The following CADM1 variants were observed in gnomAD, a reference collection of about 807,000 sequenced individuals.
CADM1 encodes the protein TSLC-1.
In CADM1, 15 loss-of-function variants were observed where a neutral mutation model predicts 53.1. That is an observed-to-expected ratio of 0.28 (90% CI 0.19 to 0.44). CADM1 has a LOEUF of 0.44. Ranked by LOEUF, CADM1 falls within the 20% of genes least tolerant of loss-of-function variation. CADM1 has a pLI of 1.00. For synonymous variants in CADM1, 281 were observed against 243.0 expected, an observed-to-expected ratio of 1.16 and a Z score of -1.45; for missense variants, 434 against 611.3, an observed-to-expected ratio of 0.71 and a Z score of 3.06.
At chr11:115,189,655 A>C (rs1371853984) in intron 10 of CADM1, among the ~76,000 whole-genome samples, 3 of 152,216 alleles carry the variant, frequency 2.0e-5, no homozygotes, top group African/African-American at 4.8e-5. Context: ...AAAATGAAAC[A>C]CTCTCTTGAT....
intron 1 of CADM1, among the ~76,000 whole-genome samples, chr11:115,405,285 C>G (rs1947285471): frequency 6.6e-6 from 1 of 152,194 alleles, no homozygotes; most frequent in South Asian, 2.1e-4. Flanking sequence ...GGTATGTTTT[C>G]ACTACCATCA....
intron 1 of CADM1, among the ~76,000 whole-genome samples, chr11:115,250,628 T>A (rs960297482): frequency 2.6e-5 from 4 of 152,238 alleles, no homozygotes; most frequent in Non-Finnish European, 5.9e-5. Flanking sequence ...CTCACTGCTA[T>A]CTGGAGGAGG....
intron 1 of CADM1, among the ~76,000 whole-genome samples, chr11:115,254,790 G>C (rs1214328422): frequency 6.6e-6 from 1 of 152,120 alleles, no homozygotes; most frequent in Non-Finnish European, 1.5e-5. Context: ...AGACAAGAAG[G>C]AACGTTTTCT....
chr11:115,361,811 C>T (rs1464067896), intron 1 of CADM1, among the ~76,000 whole-genome samples: 2 of 152,076 alleles, frequency 1.3e-5, no homozygotes, highest in East Asian at 1.9e-4. Flanking sequence ...ATTGCAGCCT[C>T]GACCTCCTGG....
chr11:115,422,656 C>T (rs1268420831), intron 1 of CADM1, among the ~76,000 whole-genome samples: 1 of 152,020 alleles, frequency 6.6e-6, no homozygotes, highest in Non-Finnish European at 1.5e-5. Flanking sequence ...ATTGAATAGA[C>T]CCTTTTACAA....
chr11:115,240,208 T>C (rs1942175631), intron 2 of CADM1, 66 bp downstream of exon 2: 38 of 1,512,258 alleles, frequency 2.5e-5, no homozygotes, highest in South Asian at 6.8e-5. Flanking sequence ...GCCTTAGCAA[T>C]CTCTTTATCA....
chr11:115,187,153 G>A (rs1201952855), intron 10 of CADM1, among the ~76,000 whole-genome samples: 2 of 152,172 alleles, frequency 1.3e-5, no homozygotes, highest in African/African-American at 2.4e-5. Flanking sequence ...CAGCTCATCT[G>A]GTTTTTAATG....
At chr11:115,359,674 A>G (rs1217751527) in intron 1 of CADM1, among the ~76,000 whole-genome samples, 2 of 152,208 alleles carry the variant, frequency 1.3e-5, no homozygotes, top group Non-Finnish European at 2.9e-5. Flanking sequence ...CACCAAAGAA[A>G]GCTTTTTTTT....
chr11:115,221,075 G>A (rs965452521), intron 5 of CADM1, among the ~76,000 whole-genome samples: 7 of 152,098 alleles, frequency 4.6e-5, no homozygotes, highest in African/African-American at 9.7e-5. Context: ...ATCATTTTAC[G>A]CCTCGGTTGG....
chr11:115,434,880 A>G (rs1270344738), intron 1 of CADM1, among the ~76,000 whole-genome samples: 4 of 86,486 alleles, frequency 4.6e-5, no homozygotes, highest in African/African-American at 7.0e-5. Flanking sequence ...TTTTTTTTTG[A>G]GACAGAGTCT....
At chr11:115,186,054 T>C (rs1439471140) in intron 10 of CADM1, among the ~76,000 whole-genome samples, 4 of 152,182 alleles carry the variant, frequency 2.6e-5, no homozygotes, top group Non-Finnish European at 5.9e-5. Context: ...CAGGAGCATG[T>C]TGGATTATGA....
chr11:115,255,830 G>A (rs1049063025), intron 1 of CADM1, among the ~76,000 whole-genome samples: 17 of 152,100 alleles, frequency 1.1e-4, no homozygotes, highest in African/African-American at 3.6e-4. Context: ...TGCAAACAAC[G>A]AGCAATGCAC....
intron 1 of CADM1, among the ~76,000 whole-genome samples, chr11:115,243,647 C>T (rs1450822014): frequency 6.6e-6 from 1 of 152,108 alleles, no homozygotes. Flanking sequence ...TGCTCACATC[C>T]TCAAATATTT....
chr11:115,197,622 T>C (rs1940221306), intron 9 of CADM1, among the ~76,000 whole-genome samples: 1 of 152,208 alleles, frequency 6.6e-6, no homozygotes. Flanking sequence ...TATTTCCTGA[T>C]GCCCCTCCTG....
rs114897881 is a variant in CADM1 at position 115,405,332 on chromosome 11, C to T, written c.124+98939G>A. 8.2e-4 allele frequency among the ~76,000 whole-genome samples: 125 copies of T among 152,294 alleles called. 1 individual carries two copies. Among genetic ancestry groups the T allele is most frequent in the African/African-American group, 2.9e-3 (120 of 41,556 alleles). On this transcript the variant is annotated intron_variant, in intron 1 of 11. Coordinates refer to ENST00000331581, the MANE Select transcript of CADM1 (RefSeq NM_001301043.2). ...ATTTTATTTTCTGGCAATACCAGTA[C>T]TGGAATTGAAGAAGATACGAAGCTA...
intron 1 of CADM1, among the ~76,000 whole-genome samples, chr11:115,353,998 T>C (rs146870925): frequency 1.3e-3 from 202 of 152,234 alleles, no homozygotes; most frequent in African/African-American, 4.5e-3. Flanking sequence ...TTTAAAATCA[T>C]GCACAGGAAA....
Position 115,172,039 on chromosome 11 carries a change from A to T in CADM1, c.*4435T>A, listed in dbSNP as rs77407896. On this transcript the variant is annotated 3_prime_UTR_variant, in exon 12 of 12. Coordinates refer to ENST00000331581, the MANE Select transcript of CADM1 (RefSeq NM_001301043.2). ...CTGGCACCTTTTTGGCTGAGCGCTG[A>T]CTGCATATCTCACTGATCTTTCCTA... The T allele has an allele frequency of 0.029, 4,385 of 152,280 alleles. 283 individuals carry two copies. Among genetic ancestry groups the T allele is most frequent in the East Asian group, 0.29 (1,483 of 5,154 alleles). The allele number at this position is 152,280 out of a possible 1,614,324, so 9.4% of individuals were successfully genotyped here.
chr11:115,370,880 C>T (rs2027617), intron 1 of CADM1, among the ~76,000 whole-genome samples: 4,260 of 152,230 alleles, frequency 0.028, 82 homozygotes, highest in Middle Eastern at 0.088. Context: ...CATTAACTAC[C>T]GACAACTTAA....
rs560354243 is a variant in CADM1, at chr11:115,308,194, G to GTATA, written c.125-67778_125-67775dup. Among the ~76,000 whole-genome samples, 335 of 123,976 alleles carry GTATA rather than the reference G, an allele frequency of 2.7e-3. 3 individuals carry two copies. The highest frequency in any genetic ancestry group is 0.017 in the East Asian group (79 of 4,682). The allele number at this position is 123,976 out of a possible 152,430, so 81.3% of individuals were successfully genotyped here. A position where few individuals can be genotyped will look rare whatever the true frequency, so the allele number is the denominator to read the frequency against. On this transcript the variant is annotated intron_variant, in intron 1 of 11. Coordinates refer to ENST00000331581, the MANE Select transcript of CADM1 (RefSeq NM_001301043.2). ...GTGTGTGTATATCACTCATAGGTGTGTATATATATATATATATACACACCT... is the reference window on the plus strand; with the variant it reads ...GTGTGTGTATATCACTCATAGGTGTGTATATATATATATATATATATACACACCT...
Sources: gnomAD v4.1 joint callset for allele counts (sites outside exome capture counted in the v4.1 genomes callset) on GRCh38, gnomAD v4.1.1 for gene constraint, MANE v1.5 for transcripts, NCBI Gene and HGNC (gene_info 2026-07-23, HGNC 2026-07-21) for gene names.